Variants in RFX3 observed in about 807,000 individuals in gnomAD.
The protein encoded by RFX3 is transcription factor RFX3.
Under a neutral mutation model 98.6 loss-of-function variants are expected in RFX3, and 14 were observed. That is an observed-to-expected ratio of 0.14 (90% CI 0.09 to 0.22). The LOEUF is 0.22. RFX3 is among the 10% of genes least tolerant of loss of function. RFX3 has a pLI of 1.00. For synonymous variants in RFX3, 383 were observed against 328.4 expected (o/e 1.17, Z -1.80); for missense variants, 639 against 926.9 (o/e 0.69, Z 4.03).
At chr9:3,372,274 C>CT (rs1220490951) in intron 2 of RFX3, among the ~76,000 whole-genome samples, 12 of 152,212 alleles carry the variant, frequency 7.9e-5, no homozygotes, top group Non-Finnish European at 1.6e-4. Flanking sequence ...TGGGATAACT[C>CT]TGAGATGTGG....
intron 2 of RFX3, among the ~76,000 whole-genome samples, chr9:3,381,675 T>G (rs1014625814): frequency 6.6e-6 from 1 of 152,090 alleles, no homozygotes; most frequent in Non-Finnish European, 1.5e-5. Flanking sequence ...TTGATTTCTC[T>G]TCTTTAATCA....
chr9:3,468,357 G>A (rs543049608), intron 1 of RFX3, among the ~76,000 whole-genome samples: 36 of 152,236 alleles, frequency 2.4e-4, no homozygotes, highest in Admixed American at 1.6e-3. Flanking sequence ...CTCACCCAGA[G>A]CCAAAAACAC....
intron 1 of RFX3, among the ~76,000 whole-genome samples, chr9:3,467,286 A>G (rs569258831): frequency 2.9e-4 from 43 of 146,126 alleles, no homozygotes; most frequent in African/African-American, 9.8e-4. Context: ...ATATATATAC[A>G]TATATATACA....
At position 3,443,620 on chromosome 9, in the gene RFX3, G is replaced by A. The variant is rs139080078; in HGVS notation, c.-8-48024C>T. On this transcript the variant is annotated intron_variant, in intron 1 of 16. Coordinates refer to ENST00000617270, the MANE Select transcript of RFX3 (RefSeq NM_001282116.2). ...CAGTCTATCATTGATGGGCATTTGGGTTGATTCCATGGCTTTGCTATTGTG... is the reference window on the plus strand; with the variant it reads ...CAGTCTATCATTGATGGGCATTTGGATTGATTCCATGGCTTTGCTATTGTG... Among the ~76,000 whole-genome samples the A allele has an allele frequency of 5.6e-4, 86 of 152,238 alleles. 2 individuals are homozygous for A. The East Asian group carries it at 0.016, about 29-fold the overall frequency.
At chr9:3,320,410 C>T (rs761439146) in intron 4 of RFX3, among the ~76,000 whole-genome samples, 2 of 151,548 alleles carry the variant, frequency 1.3e-5, no homozygotes, top group East Asian at 1.9e-4. Context: ...AAAAGCTAGC[C>T]GGGTGTGGTG....
intron 15 of RFX3, among the ~76,000 whole-genome samples, chr9:3,232,672 C>G (rs1424951357): frequency 2.0e-5 from 3 of 152,052 alleles, no homozygotes; most frequent in Non-Finnish European, 4.4e-5. Context: ...TAGATTTCAT[C>G]TTACAGCTAT....
At chr9:3,380,631 T>C (rs974612365) in intron 2 of RFX3, among the ~76,000 whole-genome samples, 1 of 152,208 alleles carries the variant, frequency 6.6e-6, no homozygotes, top group Non-Finnish European at 1.5e-5. Context: ...TTAGTTCATA[T>C]CTCTAATATT....
chr9:3,237,786 A>G (rs1024802971), intron 15 of RFX3, among the ~76,000 whole-genome samples: 4 of 152,210 alleles, frequency 2.6e-5, no homozygotes, highest in African/African-American at 9.7e-5. Context: ...AATGGGAAAT[A>G]TAGAATTTAA....
At chr9:3,524,223 G>C (rs958800224) in intron 1 of RFX3, among the ~76,000 whole-genome samples, 6 of 152,006 alleles carry the variant, frequency 3.9e-5, no homozygotes, top group Non-Finnish European at 7.4e-5. Context: ...TAAAAGTTAA[G>C]CTGAAAAAAA....
At chr9:3,350,883 G>A (rs1156988796) in intron 2 of RFX3, among the ~76,000 whole-genome samples, 1 of 152,036 alleles carries the variant, frequency 6.6e-6, no homozygotes, top group African/African-American at 2.4e-5. Flanking sequence ...CTGACATTCT[G>A]GAAAAGGTCA....
chr9:3,219,178 C>T lies in RFX3; in HGVS notation c.*5864G>A, dbSNP rs1447354772. ...TTTGGTACAAAAGATGCTTTTTAAACGAATAAAGTTCAATAGATTCTTTAT... is the reference window on the plus strand; with the variant it reads ...TTTGGTACAAAAGATGCTTTTTAAATGAATAAAGTTCAATAGATTCTTTAT... On this transcript the variant is annotated 3_prime_UTR_variant, in exon 17 of 17. Transcript: ENST00000617270. 2 of 152,082 alleles carry T rather than the reference C, an allele frequency of 1.3e-5. No homozygotes were observed. Among genetic ancestry groups the T allele is most frequent in the African/African-American group, 4.8e-5 (2 of 41,506 alleles). 9.4% of individuals were successfully genotyped at this position (152,082 alleles called of 1,614,324 possible). A position where few individuals can be genotyped will look rare whatever the true frequency, so the allele number is the denominator to read the frequency against.
chr9:3,371,487 T>C (rs982405454), intron 2 of RFX3, among the ~76,000 whole-genome samples: 1 of 152,182 alleles, frequency 6.6e-6, no homozygotes, highest in African/African-American at 2.4e-5. Flanking sequence ...TTCAGTGATC[T>C]GTATAACTAA....
At chr9:3,496,617 G>A (rs989207395) in intron 1 of RFX3, among the ~76,000 whole-genome samples, 1 of 151,674 alleles carries the variant, frequency 6.6e-6, no homozygotes, top group Non-Finnish European at 1.5e-5. Context: ...CTCTCTATAC[G>A]CTTATCTCAT....
intron 1 of RFX3, among the ~76,000 whole-genome samples, chr9:3,518,466 GAC>G (rs1206822460): frequency 6.6e-6 from 1 of 152,074 alleles, no homozygotes; most frequent in East Asian, 1.9e-4. Context: ...TGAAATGAGT[GAC>G]ACAGACAAAC....
intron 1 of RFX3, among the ~76,000 whole-genome samples, chr9:3,444,368 T>C (rs1193592523): frequency 6.6e-6 from 1 of 151,752 alleles, no homozygotes; most frequent in Non-Finnish European, 1.5e-5. Context: ...TGTAAACTAA[T>C]ACATAGTGAC....
rs1005595288 is a variant in RFX3 at position 3,505,786 on chromosome 9, C to A, written c.-9+19961G>T. Among the ~76,000 whole-genome samples, 5 of 148,716 alleles carry A rather than the reference C, an allele frequency of 3.4e-5. 1 individual carries two copies. The highest frequency in any genetic ancestry group is 9.9e-5 in the African/African-American group (4 of 40,482). ...TTTACATATCATTTACACTCTCTAC[C>A]CCCCTGCTTCTCACATTTGTTTTTT... On this transcript the variant is annotated intron_variant, in intron 1 of 16. Transcript: ENST00000617270.
At chr9:3,296,175 T>C (rs1827961881) in intron 5 of RFX3, among the ~76,000 whole-genome samples, 2 of 151,914 alleles carry the variant, frequency 1.3e-5, no homozygotes, top group African/African-American at 2.4e-5. Context: ...GTACAAATAT[T>C]AAAGTTTAAT....
chr9:3,473,805 G>C (rs1178889720), intron 1 of RFX3, among the ~76,000 whole-genome samples: 1 of 152,018 alleles, frequency 6.6e-6, no homozygotes, highest in Non-Finnish European at 1.5e-5. Flanking sequence ...AAAATAAAAG[G>C]TCTTGTATCT....
chr9:3,447,257 A>C (rs972722172), intron 1 of RFX3, among the ~76,000 whole-genome samples: 2 of 152,184 alleles, frequency 1.3e-5, no homozygotes, highest in Non-Finnish European at 2.9e-5. Flanking sequence ...TGCTCTATAA[A>C]GTACTCAGTC....
Sources: gnomAD v4.1 joint callset for allele counts (sites outside exome capture counted in the v4.1 genomes callset) on GRCh38, gnomAD v4.1.1 for gene constraint, MANE v1.5 for transcripts, NCBI Gene and HGNC (gene_info 2026-07-23, HGNC 2026-07-21) for gene names.